RABIF: variants seen among roughly 807,000 people sequenced by gnomAD.
The protein encoded by RABIF is guanine nucleotide exchange factor MSS4.
In RABIF, 13 loss-of-function variants were observed where a neutral mutation model predicts 12.3. The ratio of observed to expected loss-of-function variants is 1.06; its 90% CI spans 0.69 to 1.68. RABIF has a LOEUF of 1.68. RABIF is among the 40% of genes most tolerant of loss of function. The pLI, the probability that RABIF is intolerant of heterozygous loss-of-function variation, is 0.00. For missense variants in RABIF, 153 were observed against 158.0 expected, an observed-to-expected ratio of 0.97 and a Z score of 0.17; for synonymous variants, 70 against 63.3, an observed-to-expected ratio of 1.11 and a Z score of -0.50.
chr1:202,888,869 A>C (rs1402730209), intron 1 of RABIF, 104 bp downstream of exon 1: 1 of 1,400,184 alleles, frequency 7.1e-7, no homozygotes, highest in African/African-American at 1.5e-5. Flanking sequence ...CCGCGCGAGG[A>C]GGGCGCGGTT....
In RABIF at chr1:202,880,578, CAACTAT is replaced by C; in HGVS notation, c.*394_*399del. On this transcript the variant is annotated 3_prime_UTR_variant, in exon 2 of 2. Transcript: ENST00000367262. Reference sequence around the variant, plus strand: ...TCTTGAATGAGAAAAAGGCAGATTTCAACTATTAGTACATAAGCATCTTTTGTTATG... The same window carrying C: ...TCTTGAATGAGAAAAAGGCAGATTTCTAGTACATAAGCATCTTTTGTTATG... 1.7e-6 allele frequency: 1 copy of C among 580,424 alleles called. No homozygotes were observed. The highest frequency in any genetic ancestry group is 2.2e-6 in the Non-Finnish European group (1 of 458,146). The allele number at this position is 580,424 out of a possible 1,614,324, so 36.0% of individuals were successfully genotyped here.
chr1:202,883,140 C>G (rs1659515435), intron 1 of RABIF, among the ~76,000 whole-genome samples: 1 of 152,150 alleles, frequency 6.6e-6, no homozygotes, highest in Admixed American at 6.6e-5. Context: ...CCCCTCTGCT[C>G]CTCATATGGC....
At chr1:202,888,925 C>T (rs374339857) in intron 1 of RABIF, 48 bp downstream of exon 1, 2 of 1,474,922 alleles carry the variant, frequency 1.4e-6, no homozygotes, top group Admixed American at 2.6e-5. Flanking sequence ...TGCGGCGGCT[C>T]GTCGGGGGAG....
chr1:202,884,694 G>A (rs1423935581), intron 1 of RABIF, among the ~76,000 whole-genome samples: 1 of 152,056 alleles, frequency 6.6e-6, no homozygotes, highest in Non-Finnish European at 1.5e-5. Context: ...AGGCAGACGC[G>A]TGACGGAATG....
At chr1:202,885,247 G>C (rs1372407498) in intron 1 of RABIF, among the ~76,000 whole-genome samples, 1 of 152,136 alleles carries the variant, frequency 6.6e-6, no homozygotes, top group Admixed American at 6.6e-5. Context: ...CTGGGGATGC[G>C]GGAGGAATCG....
chr1:202,889,088 G>T lies in RABIF; in HGVS notation c.11C>A (p.Ala4Glu), dbSNP rs138946843. 8.1e-6 allele frequency: 13 copies of T among 1,604,924 alleles called. 1 individual carries two copies. In the Admixed American group the frequency reaches 2.2e-4, roughly 27 times the overall value. The change falls in exon 1 of 2, where the codon GCG becomes GAG. Residue 4 changes from alanine to glutamate, a missense_variant. By Grantham distance (107) the Ala-to-Glu change is moderately radical. Transcript: ENST00000367262. MEPAEQPSELVSAE... is the reference protein window; with the variant it reads MEPEEQPSELVSAE... ...TGACACTAACTCGCTCGGCTGCTCC[G>T]CTGGTTCCATCGCCGCTGCCGCCAC...
At chr1:202,881,359 A>G (rs1349735284) in intron 1 of RABIF, 136 bp from the exon 2 acceptor site, 2 of 1,293,376 alleles carry the variant, frequency 1.5e-6, no homozygotes, top group African/African-American at 1.5e-5. Context: ...TAAGCTGTAG[A>G]CGATGATGCT....
chr1:202,881,103 TG>T lies in RABIF; in HGVS notation c.246del (p.Phe82LeufsTer26), dbSNP rs1391118811. 3.5e-5 allele frequency: 56 copies of T among 1,614,180 alleles called. No homozygotes were observed. Among genetic ancestry groups the T allele is most frequent in the Non-Finnish European group, 4.5e-5 (53 of 1,180,030 alleles). The stretch of plus-strand genomic sequence containing the variant: ...AACTTGATGTTGCCCACGTCCTTGG[TG>T]AAGCCCACATTCTCAAAAATGAACA... ...EDMFIFENVG[F>X]TKDVGNIKFL... On this transcript the variant is annotated frameshift_variant, in exon 2 of 2. Coordinates refer to ENST00000367262, the MANE Select transcript of RABIF (RefSeq NM_002871.5). LOFTEE classifies it high-confidence loss of function.
At chr1:202,884,362 A>C (rs1659530270) in intron 1 of RABIF, among the ~76,000 whole-genome samples, 1 of 151,798 alleles carries the variant, frequency 6.6e-6, no homozygotes. Context: ...CCCTTCTGGG[A>C]GTTACTTGTG....
At chr1:202,887,544 C>T (rs1659581838) in intron 1 of RABIF, among the ~76,000 whole-genome samples, 1 of 149,100 alleles carries the variant, frequency 6.7e-6, no homozygotes, top group African/African-American at 2.5e-5. Flanking sequence ...GTTGCCCACA[C>T]TGGAGTGCAG....
At chr1:202,885,008 A>C (rs961674353) in intron 1 of RABIF, among the ~76,000 whole-genome samples, 3 of 151,340 alleles carry the variant, frequency 2.0e-5, no homozygotes, top group Non-Finnish European at 4.4e-5. Context: ...GAATCTCTTG[A>C]ACCCAGGAGG....
rs552897728 is a variant in RABIF, at chr1:202,879,510, T to A, written c.*1468A>T. On this transcript the variant is annotated 3_prime_UTR_variant, in exon 2 of 2. Coordinates refer to ENST00000367262, the MANE Select transcript of RABIF (RefSeq NM_002871.5). ...TTTGCTCCTGACTTGTGTGGATAAC[T>A]CTGTTTTTCTGCACATGCCATAACG... 6.6e-6 allele frequency: 1 copy of A among 152,354 alleles called. No individual in the cohort carries two copies. The highest frequency in any genetic ancestry group is 2.4e-5 in the African/African-American group (1 of 41,584). The allele number at this position is 152,354 out of a possible 1,614,324, so 9.4% of individuals were successfully genotyped here. A position where few individuals can be genotyped will look rare whatever the true frequency, so the allele number is the denominator to read the frequency against.
chr1:202,884,980 C>T (rs1301095203), intron 1 of RABIF, among the ~76,000 whole-genome samples: 2 of 149,850 alleles, frequency 1.3e-5, no homozygotes, highest in Admixed American at 6.7e-5. Context: ...CCCAGCTACT[C>T]GGGAGGCTGA....
At position 202,881,177 on chromosome 1, in the gene RABIF, C is replaced by A; in HGVS notation, c.173G>T (p.Ser58Ile). The change falls in exon 2 of 2, where the codon AGC (serine) becomes ATC (isoleucine). Residue 58 changes from serine (S) to isoleucine (I), a missense_variant. By Grantham distance (142) the Ser-to-Ile change is moderately radical. Transcript: ENST00000367262. ...MRKKPALSDG[S>I]NPDGDLLQEH... Reference sequence around the variant, plus strand: ...CTGGAGGAGATCGCCGTCAGGATTGCTGCCGTCAGACAGAGCTGGCTTCTT... The same window carrying A: ...CTGGAGGAGATCGCCGTCAGGATTGATGCCGTCAGACAGAGCTGGCTTCTT... 1 of 1,614,168 alleles carries A rather than the reference C, an allele frequency of 6.2e-7. No individual in the cohort carries two copies. Among genetic ancestry groups the A allele is most frequent in the Non-Finnish European group, 8.5e-7 (1 of 1,180,014 alleles).
intron 1 of RABIF, among the ~76,000 whole-genome samples, chr1:202,886,262 A>C (rs1659559820): frequency 3.9e-5 from 4 of 102,192 alleles, no homozygotes; most frequent in South Asian, 4.2e-4. Flanking sequence ...GGAGGTGGGA[A>C]GGGAAGGGGG....
At chr1:202,881,426 G>C (rs1242709178) in intron 1 of RABIF, among the ~76,000 whole-genome samples, 3 of 151,588 alleles carry the variant, frequency 2.0e-5, no homozygotes, top group African/African-American at 7.3e-5. Context: ...TTGTGAGACA[G>C]ATTCTCCCAC....
intron 1 of RABIF, among the ~76,000 whole-genome samples, chr1:202,882,244 G>A (rs1659501768): frequency 6.6e-6 from 1 of 152,266 alleles, no homozygotes; most frequent in East Asian, 1.9e-4. Flanking sequence ...AGCAGGCTGT[G>A]GTAGTGCACA....
chr1:202,888,124 A>C (rs749944640), intron 1 of RABIF, among the ~76,000 whole-genome samples: 10 of 152,242 alleles, frequency 6.6e-5, no homozygotes, highest in Non-Finnish European at 1.5e-4. Flanking sequence ...AGCACGTGAA[A>C]TAATAAAATG....
intron 1 of RABIF, among the ~76,000 whole-genome samples, chr1:202,884,969 T>A (rs1659538515): frequency 6.6e-6 from 1 of 151,364 alleles, no homozygotes; most frequent in African/African-American, 2.4e-5. Context: ...GCACCTGTAA[T>A]CCCAGCTACT....
Sources: allele counts gnomAD v4.1 joint callset (sites outside exome capture counted in the v4.1 genomes callset), GRCh38; gene constraint gnomAD v4.1.1; transcripts MANE v1.5; gene names NCBI Gene and HGNC (gene_info 2026-07-23, HGNC 2026-07-21).